The following MTUS2 variants were observed in gnomAD, a reference collection of about 807,000 sequenced individuals.
MTUS2 encodes the protein microtubule-associated tumor suppressor candidate 2.
A neutral mutation model predicts 114.1 loss-of-function variants in MTUS2; 40 were observed. That is an observed-to-expected ratio of 0.35 (90% CI 0.27 to 0.46). The LOEUF (loss-of-function observed/expected upper bound fraction) is 0.46, where lower values mean the gene tolerates loss of function less well. Ranked by LOEUF, MTUS2 falls within the 20% of genes least tolerant of loss-of-function variation. The pLI is 1.00. For synonymous variants in MTUS2, 688 were observed against 672.0 expected (o/e 1.02, Z -0.37); for missense variants, 1,679 against 1,705.4 (o/e 0.98, Z 0.27).
Position 29,046,503 on chromosome 13 carries a change from T to G in MTUS2, c.2446+12378T>G, listed in dbSNP as rs182158148. Among the ~76,000 whole-genome samples the G allele has an allele frequency of 3.9e-5, 6 of 152,360 alleles. No individual in the cohort carries two copies. In the East Asian group the frequency reaches 1.2e-3, roughly 29 times the overall value. ...TTGATTACTCCTTTCTTTCTGAAAC[T>G]TGTTCCTTCGTTTACTTCTTTGAAC... is the stretch of plus-strand genomic sequence containing the variant. On this transcript the variant is annotated intron_variant, in intron 4 of 15. Transcript: ENST00000612955.
rs1281154093 is a variant in MTUS2 at position 29,467,473 on chromosome 13, G to T, written c.3185-12677G>T. Reference sequence around the variant, plus strand: ...GCCTTCTGGATGGCCCCCATGTAGTGTATTATATGAACCGGTGCCGTGGAG... The same window carrying T: ...GCCTTCTGGATGGCCCCCATGTAGTTTATTATATGAACCGGTGCCGTGGAG... On this transcript the variant is annotated intron_variant, in intron 9 of 15. Coordinates refer to ENST00000612955, the MANE Select transcript of MTUS2 (RefSeq NM_001033602.4). 3.9e-5 allele frequency among the ~76,000 whole-genome samples: 6 copies of T among 152,184 alleles called. 1 individual carries two copies. Among genetic ancestry groups the T allele is most frequent in the Admixed American group, 3.3e-4 (5 of 15,284 alleles).
intron 2 of MTUS2, among the ~76,000 whole-genome samples, chr13:28,972,662 G>A (rs573133327): frequency 5.8e-4 from 89 of 152,288 alleles, no homozygotes; most frequent in African/African-American, 2.1e-3. Context: ...GCTGCAGGGT[G>A]TTTGAGAATG....
At chr13:28,991,946 C>T (rs569060198) in intron 2 of MTUS2, among the ~76,000 whole-genome samples, 1 of 152,270 alleles carries the variant, frequency 6.6e-6, no homozygotes, top group East Asian at 1.9e-4. Context: ...ATCCTGGAGC[C>T]CAGCCTAGGC....
intron 4 of MTUS2, among the ~76,000 whole-genome samples, chr13:29,088,058 CAAAAAAAAAAA>C (rs57654117): frequency 1.5e-5 from 2 of 135,544 alleles, no homozygotes; most frequent in Non-Finnish European, 3.1e-5. Context: ...GACTCCGTCT[CAAAAAAAAAAA>C]AAAAAAAAAA....
rs1181364502 is a variant in MTUS2 at position 29,148,597 on chromosome 13, G to A, written c.2644+47627G>A. On this transcript the variant is annotated intron_variant, in intron 5 of 15. Coordinates refer to ENST00000612955, the MANE Select transcript of MTUS2 (RefSeq NM_001033602.4). The stretch of plus-strand genomic sequence containing the variant: ...GGGTTCACGCCATTCTCCTGCCTCA[G>A]CCTCCCAAGTAGCTGGGACTACAGG... 2.7e-5 allele frequency among the ~76,000 whole-genome samples: 3 copies of A among 110,366 alleles called. 1 individual carries two copies. The highest frequency in any genetic ancestry group is 6.2e-5 in the Non-Finnish European group (3 of 48,416). The allele number at this position is 110,366 out of a possible 152,430, so 72.4% of individuals were successfully genotyped here.
chr13:29,177,682 C>T (rs1001201837), intron 5 of MTUS2, among the ~76,000 whole-genome samples: 1 of 152,178 alleles, frequency 6.6e-6, no homozygotes, highest in African/African-American at 2.4e-5. Context: ...AATCCTACTT[C>T]CTTCCTGGAA....
intron 2 of MTUS2, among the ~76,000 whole-genome samples, chr13:28,851,320 C>T (rs961261394): frequency 1.3e-5 from 2 of 152,180 alleles, no homozygotes; most frequent in East Asian, 3.8e-4. Flanking sequence ...TATGTAAGCA[C>T]ATACATTTGT....
intron 2 of MTUS2, among the ~76,000 whole-genome samples, chr13:29,009,576 T>C (rs1443634763): frequency 6.6e-6 from 1 of 152,122 alleles, no homozygotes; most frequent in Non-Finnish European, 1.5e-5. Context: ...GGAGAATAGC[T>C]GATTACAAAG....
intron 5 of MTUS2, among the ~76,000 whole-genome samples, chr13:29,136,808 C>A (rs980833423): frequency 1.2e-4 from 19 of 152,084 alleles, no homozygotes; most frequent in Non-Finnish European, 2.6e-4. Flanking sequence ...TAATCAAAAC[C>A]CAAGGAGGAT....
At chr13:29,328,720 T>A (rs1386844601) in intron 7 of MTUS2, among the ~76,000 whole-genome samples, 1 of 152,248 alleles carries the variant, frequency 6.6e-6, no homozygotes, top group African/African-American at 2.4e-5. Flanking sequence ...GGGAGAGGTC[T>A]GACTACATTA....
At chr13:29,224,320 T>C (rs1420873191) in intron 5 of MTUS2, among the ~76,000 whole-genome samples, 1 of 152,260 alleles carries the variant, frequency 6.6e-6, no homozygotes, top group Non-Finnish European at 1.5e-5. Flanking sequence ...GATGTAGTCC[T>C]GAGTGCTTTA....
chr13:29,325,733 G>A (rs35178275), intron 7 of MTUS2, among the ~76,000 whole-genome samples: 3 of 152,206 alleles, frequency 2.0e-5, no homozygotes, highest in Admixed American at 2.0e-4. Context: ...GCCAGGTACT[G>A]CCCTGTGCTC....
intron 5 of MTUS2, among the ~76,000 whole-genome samples, chr13:29,210,649 A>G (rs889490985): frequency 2.0e-5 from 3 of 152,102 alleles, no homozygotes; most frequent in Middle Eastern, 3.2e-3. Flanking sequence ...CCCTTCCCCT[A>G]GGGATGGGGC....
Position 29,024,796 on chromosome 13 carries a change from G to A in MTUS2, c.98G>A (p.Gly33Glu), listed in dbSNP as rs778030715. ...RNNNESILSLGDTNANQIMLE... is the reference protein window; with the variant it reads ...RNNNESILSLEDTNANQIMLE... ...AATAATGAAAGCATCTTAAGTCTGG[G>A]AGATACGAATGCCAATCAAATCATG... Residue 33 changes from glycine to glutamate, a missense_variant, in exon 3 of 16, where the codon GGA becomes GAA. Physicochemically the swap from Gly to Glu is moderately conservative, Grantham distance 98. Around this residue, in one of 3 missense-constraint regions of MTUS2, gnomAD observed 843 missense variants for 770.8 expected, o/e 1.09. Transcript: ENST00000612955. 73 of 1,613,888 alleles carry A rather than the reference G, an allele frequency of 4.5e-5. 1 individual carries two copies. The Middle Eastern group carries it at 8.2e-4, about 18-fold the overall frequency.
At chr13:29,371,123 G>A (rs577326536) in intron 8 of MTUS2, among the ~76,000 whole-genome samples, 2 of 152,188 alleles carry the variant, frequency 1.3e-5, no homozygotes, top group Admixed American at 6.5e-5. Context: ...AGGATTTAGA[G>A]GAAAAATAAT....
chr13:28,854,981 A>G (rs1273071680), intron 2 of MTUS2, among the ~76,000 whole-genome samples: 1 of 152,078 alleles, frequency 6.6e-6, no homozygotes, highest in Non-Finnish European at 1.5e-5. Context: ...GGGTGGTGCT[A>G]GCTTCCAGCC....
At chr13:29,383,244 G>GTATATATATATATATATATA (rs1295576309) in intron 8 of MTUS2, among the ~76,000 whole-genome samples, 1 of 53,448 alleles carries the variant, frequency 1.9e-5, no homozygotes, top group African/African-American at 4.2e-5. Flanking sequence ...GTGTGTGTGT[G>GTATATATATATATATATATA]TGTGTGTGTA....
rs1030953710 is a variant in MTUS2, at chr13:29,388,553, A to G, written c.3117+29080A>G. 5.9e-5 allele frequency among the ~76,000 whole-genome samples: 9 copies of G among 151,900 alleles called. No individual in the cohort carries two copies. In the South Asian group the frequency reaches 6.3e-4, roughly 11 times the overall value. Reference sequence around the variant, plus strand: ...ATTTATTGTTTTCTTTTGGCTCCCAACTTAACAAACAGCTGAAAGTTAACA... The same window carrying G: ...ATTTATTGTTTTCTTTTGGCTCCCAGCTTAACAAACAGCTGAAAGTTAACA... On this transcript the variant is annotated intron_variant, in intron 8 of 15. Transcript: ENST00000612955.
chr13:29,285,207 A>C (rs9508334), intron 6 of MTUS2, among the ~76,000 whole-genome samples: 50,165 of 149,202 alleles, frequency 0.34, 8,882 homozygotes, highest in East Asian at 0.74. Context: ...AAAAAAAAAA[A>C]AACCTCCAAA....
Sources: gnomAD v4.1 joint callset for allele counts (sites outside exome capture counted in the v4.1 genomes callset) on GRCh38, gnomAD v4.1.1 for gene constraint, gnomAD v4.1.1 regional missense constraint, MANE v1.5 for transcripts, NCBI Gene and HGNC (gene_info 2026-07-23, HGNC 2026-07-21) for gene names.